Variants in ULK4 observed in about 807,000 individuals in gnomAD.
ULK4 encodes the protein unc-51 like kinase 4, also known as inactive serine/threonine-protein kinase ULK4.
ULK4 carries 133 observed loss-of-function variants against 160.6 expected under a neutral mutation model. The ratio of observed to expected loss-of-function variants is 0.83; its 90% CI spans 0.72 to 0.96. The LOEUF is 0.96. Among genes scored for constraint, ULK4 ranks in the 40% least tolerant of loss-of-function variants. The pLI, the probability that ULK4 is intolerant of heterozygous loss-of-function variation, is 0.00. For missense variants in ULK4, 1,580 were observed against 1,499.5 expected, an observed-to-expected ratio of 1.05 and a Z score of -0.89; for synonymous variants, 534 against 539.8, an observed-to-expected ratio of 0.99 and a Z score of 0.15.
At chr3:41,700,850 A>G (rs1019315630) in intron 27 of ULK4, among the ~76,000 whole-genome samples, 1 of 152,202 alleles carries the variant, frequency 6.6e-6, no homozygotes, top group Non-Finnish European at 1.5e-5. Flanking sequence ...GAAAATATCT[A>G]CAGGGAACAG....
chr3:41,896,043 C>A (rs1698138484), intron 15 of ULK4, among the ~76,000 whole-genome samples: 1 of 152,128 alleles, frequency 6.6e-6, no homozygotes, highest in African/African-American at 2.4e-5. Flanking sequence ...AGCTTACCAA[C>A]AGACCAAGAC....
intron 29 of ULK4, among the ~76,000 whole-genome samples, chr3:41,670,760 G>A (rs1385364392): frequency 6.6e-6 from 1 of 151,998 alleles, no homozygotes; most frequent in Non-Finnish European, 1.5e-5. Flanking sequence ...TTTTCATTAT[G>A]AAAGCCTTAA....
At chr3:41,514,326 CA>C (rs1191075563) in intron 32 of ULK4, among the ~76,000 whole-genome samples, 9 of 152,098 alleles carry the variant, frequency 5.9e-5, no homozygotes, top group Non-Finnish European at 1.2e-4. Flanking sequence ...AATGCAGAGA[CA>C]GATTTTCTTT....
At chr3:41,463,027 T>C in intron 33 of ULK4, 60 bp downstream of exon 33, 1 of 1,543,488 alleles carries the variant, frequency 6.5e-7, no homozygotes, top group Non-Finnish European at 8.8e-7. Context: ...AAGAAGAGAA[T>C]GAAAGGGAAG....
chr3:41,447,948 C>CCTA (rs1377166152), intron 34 of ULK4, among the ~76,000 whole-genome samples: 2 of 152,180 alleles, frequency 1.3e-5, no homozygotes, highest in African/African-American at 4.8e-5. Flanking sequence ...ACCACCACCT[C>CCTA]CTACTAGAGG....
chr3:41,600,363 C>T lies in ULK4; in HGVS notation c.3120+15306G>A, dbSNP rs577363175. On this transcript the variant is annotated intron_variant, in intron 31 of 36. Coordinates refer to ENST00000301831, the MANE Select transcript of ULK4 (RefSeq NM_017886.4). ...CTAATGACACAAAACAAATGTACAA[C>T]TGCAAACTGTGACAACTGCTCTAAA... is the stretch of plus-strand genomic sequence containing the variant. 2.1e-4 allele frequency among the ~76,000 whole-genome samples: 32 copies of T among 152,308 alleles called. No homozygotes were observed. In the South Asian group the frequency reaches 6.4e-3, roughly 31 times the overall value.
intron 31 of ULK4, among the ~76,000 whole-genome samples, chr3:41,577,565 T>C: frequency 6.6e-6 from 1 of 152,156 alleles, no homozygotes; most frequent in East Asian, 1.9e-4. Context: ...CTAGGTCTTA[T>C]CCATTCTTCC....
chr3:41,522,650 T>C (rs1418273081), intron 32 of ULK4, among the ~76,000 whole-genome samples: 1 of 152,220 alleles, frequency 6.6e-6, no homozygotes, highest in African/African-American at 2.4e-5. Flanking sequence ...TAACATCCTG[T>C]TCTCCATATT....
intron 32 of ULK4, among the ~76,000 whole-genome samples, chr3:41,463,859 A>C (rs370210619): frequency 9.5e-4 from 145 of 152,294 alleles, no homozygotes; most frequent in African/African-American, 3.4e-3. Context: ...GTTATTGTTT[A>C]CATTAAATTG....
chr3:41,323,081 G>T (rs1442693617), intron 35 of ULK4, among the ~76,000 whole-genome samples: 1 of 152,026 alleles, frequency 6.6e-6, no homozygotes, highest in East Asian at 1.9e-4. Flanking sequence ...GGGATTACAG[G>T]CGTGCACCAC....
intron 19 of ULK4, among the ~76,000 whole-genome samples, chr3:41,803,718 G>A (rs970466758): frequency 2.0e-5 from 3 of 151,982 alleles, no homozygotes; most frequent in East Asian, 1.9e-4. Flanking sequence ...TCCCACCTAT[G>A]AGTGAGAACA....
rs1198986513 is a variant in ULK4 at position 41,761,353 on chromosome 3, ATATG to A, written c.2194-6869_2194-6866del. Among the ~76,000 whole-genome samples, 8 of 148,582 alleles carry A rather than the reference ATATG, an allele frequency of 5.4e-5. No individual in the cohort carries two copies. In the South Asian group the frequency reaches 1.0e-3, roughly 19 times the overall value. On this transcript the variant is annotated intron_variant, in intron 21 of 36. Transcript: ENST00000301831. ...GTTATATATTATCATACATATATGT[ATATG>A]TATTATATGTATATACATATATTAG...
At chr3:41,487,057 C>T (rs1215511072) in intron 32 of ULK4, among the ~76,000 whole-genome samples, 3 of 152,104 alleles carry the variant, frequency 2.0e-5, no homozygotes, top group Admixed American at 6.5e-5. Flanking sequence ...TACGTAGTTT[C>T]CTTTAATATC....
chr3:41,962,073 C>T lies in ULK4; in HGVS notation c.-106G>A, dbSNP rs1158907571. 1 of 152,474 alleles carries T rather than the reference C, an allele frequency of 6.6e-6. No homozygotes were observed. Among genetic ancestry groups the T allele is most frequent in the East Asian group, 1.9e-4 (1 of 5,204 alleles). The allele number at this position is 152,474 out of a possible 1,614,324, so 9.4% of individuals were successfully genotyped here. A position where few individuals can be genotyped will look rare whatever the true frequency, so the allele number is the denominator to read the frequency against. On this transcript the variant is annotated 5_prime_UTR_variant, in exon 1 of 37. An upstream start codon of the reference 5' UTR is lost. Transcript: ENST00000301831. The stretch of plus-strand genomic sequence containing the variant: ...ACTTGGCTGCTCCCGCGGTTGCGCG[C>T]ATCTCGGCCTCTGCCTCAGGACAGG...
intron 35 of ULK4, among the ~76,000 whole-genome samples, chr3:41,252,526 G>A (rs1353624876): frequency 6.8e-6 from 1 of 146,844 alleles, no homozygotes; most frequent in East Asian, 2.0e-4. Flanking sequence ...CTCAATAGCA[G>A]AATGGAGACA....
chr3:41,918,361 G>T, intron 7 of ULK4, 96 bp downstream of exon 7: 1 of 713,030 alleles, frequency 1.4e-6, no homozygotes, highest in Non-Finnish European at 2.3e-6. Context: ...GATAACTTTG[G>T]GGAGTTATGA....
chr3:41,911,990 TTTTTTG>T (rs1425433198), intron 9 of ULK4, among the ~76,000 whole-genome samples: 9 of 152,056 alleles, frequency 5.9e-5, no homozygotes, highest in Non-Finnish European at 1.3e-4. Flanking sequence ...TTGTCTCTAC[TTTTTTG>T]TTTTTAACAA....
intron 32 of ULK4, among the ~76,000 whole-genome samples, chr3:41,512,840 C>A (rs1211685414): frequency 6.6e-6 from 1 of 152,020 alleles, no homozygotes; most frequent in Non-Finnish European, 1.5e-5. Context: ...GCAAAAAGAA[C>A]AAATCTGGAG....
chr3:41,249,617 C>T (rs763819908), intron 35 of ULK4, 43 bp from the exon 36 acceptor site: 4 of 1,589,378 alleles, frequency 2.5e-6, no homozygotes, highest in Non-Finnish European at 3.4e-6. Context: ...GCTGACCCGT[C>T]CCTGACTCAT....
Sources: allele counts gnomAD v4.1 joint callset (sites outside exome capture counted in the v4.1 genomes callset), GRCh38; gene constraint gnomAD v4.1.1; transcripts MANE v1.5; gene names NCBI Gene and HGNC (gene_info 2026-07-23, HGNC 2026-07-21).